CSMD1: variants seen among roughly 807,000 people sequenced by gnomAD.
CSMD1 encodes CUB and sushi domain-containing protein 1.
CSMD1 carries 213 observed loss-of-function variants against 417.5 expected under a neutral mutation model. That is an observed-to-expected ratio of 0.51 (90% CI 0.46 to 0.57). CSMD1 has a LOEUF of 0.57. Ranked by LOEUF, CSMD1 falls within the 20% of genes least tolerant of loss-of-function variation. The probability of loss-of-function intolerance (pLI) is 0.00; values close to 1 mark genes in which losing one functional copy is unlikely to be tolerated. For synonymous variants in CSMD1, 2,862 were observed against 1,736.8 expected (o/e 1.65, Z -16.11); for missense variants, 6,923 against 4,529.7 (o/e 1.53, Z -15.17).
intron 1 of CSMD1, among the ~76,000 whole-genome samples, chr8:4,859,852 C>G (rs1328132755): frequency 1.3e-5 from 2 of 152,050 alleles, no homozygotes; most frequent in African/African-American, 4.8e-5. Flanking sequence ...GTCAGTGTGG[C>G]GATTCCTCAG....
At chr8:4,070,744 T>C (rs1198114444) in intron 3 of CSMD1, among the ~76,000 whole-genome samples, 3 of 152,282 alleles carry the variant, frequency 2.0e-5, no homozygotes, top group East Asian at 3.9e-4. Context: ...CATCTCAGCA[T>C]TTCCTCCACC....
At chr8:3,393,998 AAT>A (rs1195739865) in intron 17 of CSMD1, among the ~76,000 whole-genome samples, 33 of 11,074 alleles carry the variant, frequency 3.0e-3, no homozygotes, top group African/African-American at 5.5e-3. Context: ...TAATAATAAT[AAT>A]AAAAAAATAA....
intron 2 of CSMD1, among the ~76,000 whole-genome samples, chr8:4,633,281 C>A (rs1022298816): frequency 1.3e-5 from 2 of 152,154 alleles, no homozygotes; most frequent in South Asian, 4.1e-4. Context: ...GAGTTTCAGT[C>A]TGTCCCCCAG....
intron 3 of CSMD1, among the ~76,000 whole-genome samples, chr8:4,273,571 T>C (rs879749278): frequency 2.0e-5 from 3 of 152,214 alleles, no homozygotes; most frequent in Non-Finnish European, 4.4e-5. Flanking sequence ...TATTTTAATA[T>C]AAATATTTAT....
Position 3,971,633 on chromosome 8 carries a change from G to T in CSMD1, c.818+26270C>A, listed in dbSNP as rs112508593. Among the ~76,000 whole-genome samples the T allele has an allele frequency of 3.3e-3, 509 of 152,072 alleles. 6 individuals are homozygous for T. The highest frequency in any genetic ancestry group is 0.011 in the African/African-American group (467 of 41,490). ...CACTTCTACTTCTATTTCCTCAAGG[G>T]AGTCTCAAGACAATCCTGATCCGTG... On this transcript the variant is annotated intron_variant, in intron 5 of 69. Transcript: ENST00000635120.
chr8:3,986,894 G>C (rs1287956523), intron 5 of CSMD1, among the ~76,000 whole-genome samples: 2 of 151,824 alleles, frequency 1.3e-5, no homozygotes, highest in African/African-American at 4.8e-5. Flanking sequence ...AGCTGGGATT[G>C]CAGGTGCACG....
intron 26 of CSMD1, among the ~76,000 whole-genome samples, chr8:3,239,134 C>T (rs1023115100): frequency 6.6e-6 from 1 of 152,074 alleles, no homozygotes; most frequent in Non-Finnish European, 1.5e-5. Context: ...CTTTCTATTC[C>T]TTTTTAAGTG....
At chr8:3,157,683 C>T (rs1335301548) in intron 39 of CSMD1, among the ~76,000 whole-genome samples, 1 of 152,186 alleles carries the variant, frequency 6.6e-6, no homozygotes, top group East Asian at 1.9e-4. Context: ...TGCGGGCTGA[C>T]CCAGACACAC....
chr8:3,045,483 T>G (rs1811374730), intron 50 of CSMD1, among the ~76,000 whole-genome samples: 1 of 152,218 alleles, frequency 6.6e-6, no homozygotes, highest in South Asian at 2.1e-4. Context: ...TACATTTACC[T>G]GTGAACTGCA....
chr8:3,960,855 T>A (rs971774986), intron 5 of CSMD1, among the ~76,000 whole-genome samples: 1 of 152,028 alleles, frequency 6.6e-6, no homozygotes, highest in African/African-American at 2.4e-5. Context: ...TGTCATAAAA[T>A]GACACACTTT....
In CSMD1 at chr8:2,938,742, G is replaced by C. The variant is rs564031277; in HGVS notation, c.10538C>G (p.Thr3513Arg). Residue 3513 changes from threonine (T) to arginine (R), a missense_variant and splice_region_variant, in exon 70 of 70, where the codon ACG becomes AGG. Thr to Arg is a moderately conservative substitution (Grantham distance 71). Coordinates refer to ENST00000635120, the MANE Select transcript of CSMD1 (RefSeq NM_033225.6). The part of the protein sequence containing the change: ...GFAFYLYKHR[T>R]RPKVQYNGYA... ...GCCATTGTATTGAACTTTTGGTCTC[G>C]TTCTAAGGAAAACAGAAAACAAATC... 47 of 1,604,420 alleles carry C rather than the reference G, an allele frequency of 2.9e-5. No individual in the cohort carries two copies. In the East Asian group the frequency reaches 1.0e-3, roughly 35 times the overall value.
At chr8:3,839,655 A>G (rs1585073373) in intron 5 of CSMD1, among the ~76,000 whole-genome samples, 1 of 111,998 alleles carries the variant, frequency 8.9e-6, no homozygotes, top group South Asian at 2.8e-4. Context: ...TTCAACTCAG[A>G]AAAAAAAAAA....
chr8:4,060,112 A>T (rs892835479), intron 3 of CSMD1, among the ~76,000 whole-genome samples: 1 of 152,222 alleles, frequency 6.6e-6, no homozygotes, highest in Non-Finnish European at 1.5e-5. Context: ...AGTGGGCTTC[A>T]TCCCTGGGAT....
chr8:3,335,256 G>C (rs894798764), intron 23 of CSMD1, among the ~76,000 whole-genome samples: 1 of 152,262 alleles, frequency 6.6e-6, no homozygotes, highest in Admixed American at 6.5e-5. Flanking sequence ...CGAATTCACA[G>C]TTCCAACCTC....
At chr8:3,668,005 C>G (rs190871281) in intron 7 of CSMD1, among the ~76,000 whole-genome samples, 1 of 152,116 alleles carries the variant, frequency 6.6e-6, no homozygotes, top group Non-Finnish European at 1.5e-5. Context: ...AGTGTCTGTG[C>G]GCCTCAGAGC....
At chr8:3,985,240 G>A (rs1403275748) in intron 5 of CSMD1, among the ~76,000 whole-genome samples, 1 of 152,158 alleles carries the variant, frequency 6.6e-6, no homozygotes, top group Admixed American at 6.6e-5. Flanking sequence ...ATAAATTGAA[G>A]TCCCATTTCA....
At chr8:4,381,793 T>C (rs902383566) in intron 3 of CSMD1, among the ~76,000 whole-genome samples, 51 of 152,176 alleles carry the variant, frequency 3.4e-4, no homozygotes, top group African/African-American at 1.2e-3. Context: ...TAGTTGACCT[T>C]TTTCTGCTGA....
intron 2 of CSMD1, among the ~76,000 whole-genome samples, chr8:4,538,295 A>T (rs964275150): frequency 6.6e-6 from 1 of 151,606 alleles, no homozygotes; most frequent in South Asian, 2.1e-4. Context: ...CCACTACGAC[A>T]TTGCAAATAT....
At chr8:4,453,199 AC>A (rs1730306110) in intron 2 of CSMD1, among the ~76,000 whole-genome samples, 4 of 117,180 alleles carry the variant, frequency 3.4e-5, no homozygotes, top group Non-Finnish European at 5.5e-5. Context: ...AGACACACCC[AC>A]ACAGACACAC....
Sources: gnomAD v4.1 joint callset for allele counts (sites outside exome capture counted in the v4.1 genomes callset) on GRCh38, gnomAD v4.1.1 for gene constraint, MANE v1.5 for transcripts, NCBI Gene and HGNC (gene_info 2026-07-23, HGNC 2026-07-21) for gene names.